Variants in IQUB observed in about 807,000 individuals in gnomAD.
IQUB encodes IQ motif and ubiquitin-like domain-containing protein.
Under a neutral mutation model 86.4 loss-of-function variants are expected in IQUB, and 86 were observed. The observed-to-expected ratio is 1.00, with a 90% confidence interval of 0.84 to 1.19. The LOEUF (loss-of-function observed/expected upper bound fraction) is 1.19. Among genes scored for constraint, IQUB ranks in the 50% most tolerant of loss-of-function variants. The pLI, the probability that IQUB is intolerant of heterozygous loss-of-function variation, is 0.00. For synonymous variants in IQUB, 289 were observed against 304.5 expected (o/e 0.95, Z 0.53); for missense variants, 946 against 916.9 (o/e 1.03, Z -0.41).
At chr7:123,461,178 T>C (rs1793961054) in intron 11 of IQUB, among the ~76,000 whole-genome samples, 179 bp downstream of exon 11, 1 of 151,698 alleles carries the variant, frequency 6.6e-6, no homozygotes, top group African/African-American at 2.4e-5. Context: ...TATTAGGTTA[T>C]AGAGGTATAA....
rs1300459943 is a variant in IQUB at position 123,479,815 on chromosome 7, T to C, written c.1390A>G (p.Ile464Val). 6.2e-7 allele frequency: 1 copy of C among 1,612,070 alleles called. No homozygotes were observed. Residue 464 changes from isoleucine to valine, a missense_variant, in exon 8 of 13, where the codon ATA becomes GTA. By Grantham distance (29) the Ile-to-Val change is conservative. Transcript: ENST00000324698. ...CTAACCTTATCCAAAAAAGCTTGTATTGCTGCTTCCTGATTTGCCATATAA... is the reference window on the plus strand; with the variant it reads ...CTAACCTTATCCAAAAAAGCTTGTACTGCTGCTTCCTGATTTGCCATATAA... ...IAYMANQEAAIQAFLDKCSAP... is the reference protein window; with the variant it reads ...IAYMANQEAAVQAFLDKCSAP...
At position 123,452,669 on chromosome 7, in the gene IQUB, T is replaced by TACTC. The variant is rs1282817222; in HGVS notation, c.*70_*73dup. On this transcript the variant is annotated 3_prime_UTR_variant, in exon 13 of 13. Transcript: ENST00000324698. The stretch of plus-strand genomic sequence containing the variant: ...ATAAACAGATTAAATTCCATTTCCA[T>TACTC]ACTCTGTGACCTCTGTATTACCCTA... 7 of 926,224 alleles carry TACTC rather than the reference T, an allele frequency of 7.6e-6. No individual in the cohort carries two copies. Among genetic ancestry groups the TACTC allele is most frequent in the African/African-American group, 3.3e-5 (2 of 60,536 alleles). The allele number at this position is 926,224 out of a possible 1,614,324, so 57.4% of individuals were successfully genotyped here.
At chr7:123,478,516 C>T (rs529599884) in intron 8 of IQUB, among the ~76,000 whole-genome samples, 1 of 152,096 alleles carries the variant, frequency 6.6e-6, no homozygotes, top group South Asian at 2.1e-4. Flanking sequence ...CACATATATA[C>T]CTATGTAATA....
Position 123,503,180 on chromosome 7 carries a change from TAA to T in IQUB, c.694+20_694+21del. On this transcript the variant is annotated intron_variant, in intron 4 of 12. Transcript: ENST00000324698. ...AGAAGGGACTCAAAAATACTTTATC[TAA>T]AAGACATCAAATAACGAACCAGTTT... is the stretch of plus-strand genomic sequence containing the variant. 1 of 1,608,428 alleles carries T rather than the reference TAA, an allele frequency of 6.2e-7. No homozygotes were observed.
chr7:123,521,651 AACACACACACACAC>A (rs150359350), intron 1 of IQUB, among the ~76,000 whole-genome samples: 5 of 144,312 alleles, frequency 3.5e-5, no homozygotes, highest in South Asian at 2.3e-4. Flanking sequence ...TGTCTAAATA[AACACACACACACAC>A]ACACACACAC....
chr7:123,465,157 T>C, intron 9 of IQUB, 148 bp from the exon 10 acceptor site: 1 of 590,218 alleles, frequency 1.7e-6, no homozygotes. Context: ...TAATAGTTCA[T>C]TTTTTGTGGT....
intron 1 of IQUB, among the ~76,000 whole-genome samples, chr7:123,523,652 T>A (rs1222471693): frequency 6.6e-6 from 1 of 151,802 alleles, no homozygotes; most frequent in Non-Finnish European, 1.5e-5. Context: ...ATTTTGTAGG[T>A]TGCCTGTTCA....
In IQUB at chr7:123,461,378, A is replaced by G; in HGVS notation, c.1986T>C (p.Ser662=). 2 of 1,606,996 alleles carry G rather than the reference A, an allele frequency of 1.2e-6. No individual in the cohort carries two copies. Among genetic ancestry groups the G allele is most frequent in the Non-Finnish European group, 1.7e-6 (2 of 1,174,620 alleles). Residue 662 remains serine (S), a synonymous_variant, in exon 11 of 13, where the codon TCT becomes TCC. Coordinates refer to ENST00000324698, the MANE Select transcript of IQUB (RefSeq NM_178827.5). ...ATACCTGCATCAAGAAAGCAATTTT[A>G]GAATCATCTTCATAATCAGCTTCTG... The part of the protein sequence containing the change: ...YYTEADYEDD[S]KIAFLMQLQD...
chr7:123,472,253 AAAG>A (rs932080353), intron 8 of IQUB, among the ~76,000 whole-genome samples: 2 of 151,916 alleles, frequency 1.3e-5, no homozygotes, highest in African/African-American at 4.8e-5. Context: ...AAAAAAGAAA[AAAG>A]AAAAGAAAAG....
In IQUB at chr7:123,461,595, T is replaced by C; in HGVS notation, c.1769A>G (p.Asp590Gly). 6.2e-7 allele frequency: 1 copy of C among 1,600,414 alleles called. No individual in the cohort carries two copies. Among genetic ancestry groups the C allele is most frequent in the Non-Finnish European group, 8.5e-7 (1 of 1,174,356 alleles). Residue 590 changes from aspartate to glycine, a missense_variant, in exon 11 of 13, where the codon GAC becomes GGC. Physicochemically the swap from Asp to Gly is moderately conservative, Grantham distance 94. Transcript: ENST00000324698. ...AATCTTCTTATAAAATTTCAATGGG[T>C]CTTGAGGGACCTAAATAAATAGTAA... ...EVAKYLKVPQ[D>G]PLKFYKKIYF...
At chr7:123,506,768 T>A (rs1158485022) in intron 3 of IQUB, among the ~76,000 whole-genome samples, 3 of 152,184 alleles carry the variant, frequency 2.0e-5, no homozygotes, top group Non-Finnish European at 2.9e-5. Flanking sequence ...GAGAAGCATA[T>A]ATGCAGAATC....
intron 7 of IQUB, among the ~76,000 whole-genome samples, chr7:123,490,704 C>T (rs750264970): frequency 6.6e-6 from 1 of 152,134 alleles, no homozygotes; most frequent in Non-Finnish European, 1.5e-5. Flanking sequence ...TTGGCTCACG[C>T]CTGTAATCTC....
chr7:123,532,809 C>T (rs1247231215), intron 1 of IQUB: 7 of 152,218 alleles, frequency 4.6e-5, no homozygotes, highest in African/African-American at 1.7e-4. Flanking sequence ...TCCAGCCTGC[C>T]CCTCTGGGGC....
rs899188368 is a variant in IQUB at position 123,479,867 on chromosome 7, A to G, written c.1338T>C (p.Ala446=). 3 of 1,612,950 alleles carry G rather than the reference A, an allele frequency of 1.9e-6. No homozygotes were observed. The African/African-American group carries it at 4.0e-5, about 22-fold the overall frequency. ...CAATGTATCTATGTCTCCCAATGGA[A>G]GCAATTATCTGAGTCTCTTTTTCCA... is the stretch of plus-strand genomic sequence containing the variant. ...ELLEKETQII[A]SIGRHRYIAY... Residue 446 remains alanine, a synonymous_variant, in exon 8 of 13, where the codon GCT becomes GCC. Transcript: ENST00000324698.
intron 8 of IQUB, 73 bp downstream of exon 8, chr7:123,479,722 C>A: frequency 9.2e-7 from 1 of 1,088,404 alleles, no homozygotes; most frequent in East Asian, 2.5e-5. Context: ...ATCTAAGTCT[C>A]TTGTCTGGTA....
chr7:123,530,908 C>T (rs1797510152), intron 1 of IQUB, among the ~76,000 whole-genome samples: 2 of 151,922 alleles, frequency 1.3e-5, no homozygotes, highest in African/African-American at 4.8e-5. Context: ...AACTCCTGAC[C>T]TCAGGTGCTC....
intron 7 of IQUB, among the ~76,000 whole-genome samples, chr7:123,480,542 T>C (rs945364901): frequency 6.6e-6 from 1 of 152,122 alleles, no homozygotes; most frequent in Non-Finnish European, 1.5e-5. Flanking sequence ...AGACTTTCCA[T>C]ACCCCATCTT....
rs1423272425 is a variant in IQUB, at chr7:123,459,156, C to T, written c.2008-1590G>A. Among the ~76,000 whole-genome samples, 4 of 151,948 alleles carry T rather than the reference C, an allele frequency of 2.6e-5. No individual in the cohort carries two copies. The South Asian group carries it at 8.3e-4, about 31-fold the overall frequency. On this transcript the variant is annotated intron_variant, in intron 11 of 12. Transcript: ENST00000324698. ...GGAAAAGTAATAGACCAAAACCCTACATAGATACGGTACTGAAATTAAATC... is the reference window on the plus strand; with the variant it reads ...GGAAAAGTAATAGACCAAAACCCTATATAGATACGGTACTGAAATTAAATC...
chr7:123,504,375 G>A (rs368071331), intron 3 of IQUB, among the ~76,000 whole-genome samples: 158 of 152,170 alleles, frequency 1.0e-3, no homozygotes, highest in African/African-American at 3.3e-3. Context: ...ACTTAAACCC[G>A]GGAGGAAGAG....
Sources: allele counts gnomAD v4.1 joint callset (sites outside exome capture counted in the v4.1 genomes callset), GRCh38; gene constraint gnomAD v4.1.1; transcripts MANE v1.5; gene names NCBI Gene and HGNC (gene_info 2026-07-23, HGNC 2026-07-21).